Variants in ONECUT1 observed in about 807,000 individuals in gnomAD.
The protein encoded by ONECUT1 is hepatocyte nuclear factor 6.
ONECUT1 carries 12 observed loss-of-function variants against 25.6 expected under a neutral mutation model. That is an observed-to-expected ratio of 0.47 (90% confidence interval 0.30 to 0.76). ONECUT1 has a LOEUF of 0.76. Among genes scored for constraint, ONECUT1 ranks in the 30% least tolerant of loss-of-function variants. The pLI is 0.07. For synonymous variants in ONECUT1, 285 were observed against 270.2 expected (o/e 1.05, Z -0.54); for missense variants, 620 against 651.2 (o/e 0.95, Z 0.52).
intron 1 of ONECUT1, among the ~76,000 whole-genome samples, chr15:52,768,006 A>G (rs1179127564): frequency 6.6e-6 from 1 of 152,164 alleles, no homozygotes; most frequent in Non-Finnish European, 1.5e-5. Flanking sequence ...ATGGAGATGG[A>G]GAGTCGAATG....
chr15:52,757,373 G>A lies in ONECUT1; in HGVS notation c.*182C>T. 1.5e-6 allele frequency: 1 copy of A among 651,134 alleles called. No individual in the cohort carries two copies. Among genetic ancestry groups the A allele is most frequent in the Non-Finnish European group, 2.5e-6 (1 of 396,876 alleles). The allele number at this position is 651,134 out of a possible 1,614,324, so 40.3% of individuals were successfully genotyped here. ...CCAAGTCGCCGCCCTGCTGAAGTGT[G>A]TGTCTCCAAACAAAGTCAGAATGCA... On this transcript the variant is annotated 3_prime_UTR_variant, in exon 2 of 2. Coordinates refer to ENST00000305901, the MANE Select transcript of ONECUT1 (RefSeq NM_004498.4).
At chr15:52,776,584 A>G (rs2083802559) in intron 1 of ONECUT1, among the ~76,000 whole-genome samples, 1 of 152,192 alleles carries the variant, frequency 6.6e-6, no homozygotes, top group African/African-American at 2.4e-5. Flanking sequence ...AACAGGTCAC[A>G]ACTTCCTTTG....
Position 52,755,288 on chromosome 15 carries a change from C to T in ONECUT1, c.*2267G>A, listed in dbSNP as rs557225205. On this transcript the variant is annotated 3_prime_UTR_variant, in exon 2 of 2. Coordinates refer to ENST00000305901, the MANE Select transcript of ONECUT1 (RefSeq NM_004498.4). ...CCCTGGAGAGAGAGAAAATGTTAAT[C>T]AGTTTTTTCCTTTTTGTTTATGTCA... is the stretch of plus-strand genomic sequence containing the variant. 6.6e-6 allele frequency among the ~76,000 whole-genome samples: 1 copy of T among 152,254 alleles called. No homozygotes were observed. Among genetic ancestry groups the T allele is most frequent in the South Asian group, 2.1e-4 (1 of 4,828 alleles).
chr15:52,763,378 T>C (rs2141447761), intron 1 of ONECUT1, among the ~76,000 whole-genome samples: 1 of 151,230 alleles, frequency 6.6e-6, no homozygotes. Flanking sequence ...TAAAAGATTA[T>C]GAAGAAAAAA....
Position 52,788,991 on chromosome 15 carries a change from C to T in ONECUT1, c.894G>A (p.Ala298=), listed in dbSNP as rs555045008. The stretch of plus-strand genomic sequence containing the variant: ...GCTTGAGCTCGGTGGTGATACGCTG[C>T]GCCACCTCTTTGGTATTGATCTCTT... ...QMEEINTKEV[A]QRITTELKRY... The change falls in exon 1 of 2, where the codon GCG becomes GCA. Residue 298 remains alanine (A), a synonymous_variant. Transcript: ENST00000305901. This position sits in a 1 kb window ranked among gnomAD's most constrained non-coding sequence, Gnocchi z 4.3. The T allele has an allele frequency of 6.2e-7, 1 of 1,611,570 alleles. No individual in the cohort carries two copies. Among genetic ancestry groups the T allele is most frequent in the South Asian group, 1.1e-5 (1 of 91,074 alleles).
In ONECUT1 at chr15:52,757,688, A is replaced by G; in HGVS notation, c.1265T>C (p.Leu422Pro). The G allele has an allele frequency of 6.2e-7, 1 of 1,614,102 alleles. No homozygotes were observed. Among genetic ancestry groups the G allele is most frequent in the Non-Finnish European group, 8.5e-7 (1 of 1,180,024 alleles). The change falls in exon 2 of 2, where the codon CTG becomes CCG. Residue 422 changes from leucine to proline, a missense_variant. Leu to Pro is a moderately conservative substitution (Grantham distance 98). This residue lies in a region of ONECUT1 where 146 missense variants were observed against 201.8 expected (regional missense o/e 0.72). Coordinates refer to ENST00000305901, the MANE Select transcript of ONECUT1 (RefSeq NM_004498.4). ...GCTGACAGTGCTCAGCTCCAACCCC[A>G]GCTGCTGGGAAATGGTGATTTGCAA... The part of the protein sequence containing the change: ...KELQITISQQ[L>P]GLELSTVSNF...
In ONECUT1 at chr15:52,788,947, G is replaced by T. The variant is rs1447791222; in HGVS notation, c.938C>A (p.Ala313Asp). Residue 313 changes from alanine (A) to aspartate (D), a missense_variant, in exon 1 of 2, where the codon GCC becomes GAC. By Grantham distance (126) the Ala-to-Asp change is moderately radical. Coordinates refer to ENST00000305901, the MANE Select transcript of ONECUT1 (RefSeq NM_004498.4). The surrounding 1 kb of genome is among the most constrained non-coding windows in gnomAD (Gnocchi z 4.3). Reference sequence around the variant, plus strand: ...GCAGAGCACCCTCTGCGCGAAGATGGCCTGTGGGATGCTGTAGCGCTTGAG... The same window carrying T: ...GCAGAGCACCCTCTGCGCGAAGATGTCCTGTGGGATGCTGTAGCGCTTGAG... ...TELKRYSIPQ[A>D]IFAQRVLCRS... 1.2e-6 allele frequency: 2 copies of T among 1,613,746 alleles called. No homozygotes were observed. The highest frequency in any genetic ancestry group is 1.3e-5 in the African/African-American group (1 of 74,942).
At position 52,789,664 on chromosome 15, in the gene ONECUT1, G is replaced by T. The variant is rs755931287; in HGVS notation, c.221C>A (p.Ala74Asp). The T allele has an allele frequency of 5.9e-6, 9 of 1,531,938 alleles. No individual in the cohort carries two copies. The Admixed American group carries it at 1.6e-4, about 28-fold the overall frequency. The allele number at this position is 1,531,938 out of a possible 1,614,324, so 94.9% of individuals were successfully genotyped here. Residue 74 changes from alanine (A) to aspartate (D), a missense_variant, in exon 1 of 2, where the codon GCC becomes GAC. Physicochemically the swap from Ala to Asp is moderately radical, Grantham distance 126 (BLOSUM62 -2). Coordinates refer to ENST00000305901, the MANE Select transcript of ONECUT1 (RefSeq NM_004498.4). This position sits in a 1 kb window ranked among gnomAD's most constrained non-coding sequence, Gnocchi z 4.1. ...GGGGCCGGCCAGGCTGTGCTCAGGG[G>T]CCCGGTGGTGGTGGTGGTAATCTCC... ...GGGDYHHHHR[A>D]PEHSLAGPLH...
chr15:52,767,208 A>T (rs1001267698), intron 1 of ONECUT1, among the ~76,000 whole-genome samples: 13 of 152,150 alleles, frequency 8.5e-5, no homozygotes, highest in African/African-American at 3.1e-4. Flanking sequence ...ACTGGAGGAC[A>T]TCGGGAGGTA....
In ONECUT1 at chr15:52,789,786, G is replaced by A; in HGVS notation, c.99C>T (p.His33=). ...CGCGGTGCGCCACGGAGCTGCGCGC[G>A]TGGGGGCTGCCGCCCAGCAGGTCGG... The part of the protein sequence containing the change: ...APADLLGGSP[H]ARSSVAHRGS... The change falls in exon 1 of 2, where the codon CAC becomes CAT. Residue 33 remains histidine, a synonymous_variant. Transcript: ENST00000305901. The surrounding 1 kb of genome is among the most constrained non-coding windows in gnomAD (Gnocchi z 4.1). 5 of 1,450,346 alleles carry A rather than the reference G, an allele frequency of 3.4e-6. No individual in the cohort carries two copies. The highest frequency in any genetic ancestry group is 4.5e-6 in the Non-Finnish European group (5 of 1,115,022). 89.8% of individuals were successfully genotyped at this position (1,450,346 alleles called of 1,614,324 possible).
intron 1 of ONECUT1, among the ~76,000 whole-genome samples, chr15:52,775,754 G>C (rs2083795877): frequency 6.6e-6 from 1 of 152,178 alleles, no homozygotes; most frequent in Non-Finnish European, 1.5e-5. Context: ...TCGGAGGAAA[G>C]TAAAATGTGT....
intron 1 of ONECUT1, chr15:52,780,901 A>G (rs748223557): frequency 7.6e-7 from 1 of 1,308,914 alleles, no homozygotes; most frequent in Non-Finnish European, 9.7e-7. Flanking sequence ...CGGCATATGC[A>G]AAGGAAGATG....
At chr15:52,766,896 A>C (rs961817190) in intron 1 of ONECUT1, among the ~76,000 whole-genome samples, 1 of 152,088 alleles carries the variant, frequency 6.6e-6, no homozygotes, top group African/African-American at 2.4e-5. Context: ...TCAGTGAATA[A>C]AACATGGTGA....
chr15:52,777,176 A>G (rs573429389), intron 1 of ONECUT1, among the ~76,000 whole-genome samples: 13 of 152,248 alleles, frequency 8.5e-5, no homozygotes, highest in Non-Finnish European at 1.9e-4. Context: ...TTATAAACAC[A>G]CACAAACACA....
chr15:52,789,958 C>A lies in ONECUT1; in HGVS notation c.-74G>T. 2.1e-6 allele frequency: 3 copies of A among 1,455,218 alleles called. No individual in the cohort carries two copies. The South Asian group carries it at 4.3e-5, about 21-fold the overall frequency. The allele number at this position is 1,455,218 out of a possible 1,614,324, so 90.1% of individuals were successfully genotyped here. Reference sequence around the variant, plus strand: ...AGAGGCGGCGAGGGGCGCACGGAGTCCGGTCTTCACATCGGCTGCTGGCGA... The same window carrying A: ...AGAGGCGGCGAGGGGCGCACGGAGTACGGTCTTCACATCGGCTGCTGGCGA... On this transcript the variant is annotated 5_prime_UTR_variant, in exon 1 of 2. Coordinates refer to ENST00000305901, the MANE Select transcript of ONECUT1 (RefSeq NM_004498.4). This position sits in a 1 kb window ranked among gnomAD's most constrained non-coding sequence, Gnocchi z 4.1.
At chr15:52,779,636 C>A (rs974263402) in intron 1 of ONECUT1, among the ~76,000 whole-genome samples, 1 of 152,146 alleles carries the variant, frequency 6.6e-6, no homozygotes, top group Admixed American at 6.5e-5. Context: ...ATACTAGGTG[C>A]CTCCTTAAAA....
At chr15:52,783,280 G>A (rs12440736) in intron 1 of ONECUT1, among the ~76,000 whole-genome samples, 1 of 152,202 alleles carries the variant, frequency 6.6e-6, no homozygotes, top group Non-Finnish European at 1.5e-5. Flanking sequence ...ACACAAAGCC[G>A]CGTGGAGGGA....
rs1566996061 is a variant in ONECUT1 at position 52,789,363 on chromosome 15, G to A, written c.522C>T (p.Gly174=). The A allele has an allele frequency of 6.2e-7, 1 of 1,607,682 alleles. No homozygotes were observed. The highest frequency in any genetic ancestry group is 1.1e-5 in the South Asian group (1 of 90,114). Reference sequence around the variant, plus strand: ...AGAGGGGCGAGAGGCTCTGGCCCATGCCGGCCACGTCCTTGTGGTAGGGGG... The same window carrying A: ...AGAGGGGCGAGAGGCTCTGGCCCATACCGGCCACGTCCTTGTGGTAGGGGG... ...LYTPYHKDVA[G]MGQSLSPLSS... Residue 174 remains glycine, a synonymous_variant, in exon 1 of 2, where the codon GGC becomes GGT. Transcript: ENST00000305901. The surrounding 1 kb of genome is among the most constrained non-coding windows in gnomAD (Gnocchi z 4.1).
Position 52,790,267 on chromosome 15 carries a change from C to G in ONECUT1, c.-383G>C, listed in dbSNP as rs1233266755. ...GAGGTCTCCGGCTCCCCTGCCGCGG[C>G]CCGCGCGCCTGCCGCGTCTGCTGCC... On this transcript the variant is annotated 5_prime_UTR_variant, in exon 1 of 2. Coordinates refer to ENST00000305901, the MANE Select transcript of ONECUT1 (RefSeq NM_004498.4). Among the ~76,000 whole-genome samples, 2 of 151,346 alleles carry G rather than the reference C, an allele frequency of 1.3e-5. No homozygotes were observed. The highest frequency in any genetic ancestry group is 4.8e-5 in the African/African-American group (2 of 41,330).
Sources: allele counts gnomAD v4.1 joint callset (sites outside exome capture counted in the v4.1 genomes callset), GRCh38; gene constraint gnomAD v4.1.1; regional missense constraint gnomAD v4.1.1; non-coding constraint Gnocchi (gnomAD v3.1); transcripts MANE v1.5; gene names NCBI Gene and HGNC (gene_info 2026-07-23, HGNC 2026-07-21).